SATB2: variants seen among roughly 807,000 people sequenced by gnomAD.
SATB2 encodes the protein SATB homeobox 2.
A neutral mutation model predicts 73.4 loss-of-function variants in SATB2; 1 was observed. That is an observed-to-expected ratio of 0.01 (90% CI 0.00 to 0.06). The LOEUF is 0.06. SATB2 is among the 10% of genes least tolerant of loss of function. The pLI, the probability that SATB2 is intolerant of heterozygous loss-of-function variation, is 1.00. For synonymous variants in SATB2, 397 were observed against 367.0 expected, an observed-to-expected ratio of 1.08 and a Z score of -0.93; for missense variants, 459 against 945.8, an observed-to-expected ratio of 0.49 and a Z score of 6.75.
At chr2:199,433,910 TA>T (rs1274815463) in intron 2 of SATB2, among the ~76,000 whole-genome samples, 2 of 152,116 alleles carry the variant, frequency 1.3e-5, no homozygotes. Context: ...TTGTAATAAA[TA>T]TATTACTTTT....
chr2:199,330,735 G>A (rs1022058262), intron 7 of SATB2, among the ~76,000 whole-genome samples: 1 of 152,122 alleles, frequency 6.6e-6, no homozygotes. Context: ...TTGTTTTGAA[G>A]ATAAAAATCT....
intron 5 of SATB2, 72 bp downstream of exon 5, chr2:199,380,292 G>A: frequency 1.3e-6 from 2 of 1,585,238 alleles, no homozygotes; most frequent in Non-Finnish European, 1.7e-6. Context: ...TGTTTAAGCA[G>A]AAGGAACCCC....
intron 7 of SATB2, among the ~76,000 whole-genome samples, chr2:199,346,708 C>T (rs991841047): frequency 6.6e-6 from 1 of 151,982 alleles, no homozygotes; most frequent in Non-Finnish European, 1.5e-5. Flanking sequence ...GTAAACAGAC[C>T]CTCTTTAACA....
chr2:199,313,699 T>C (rs1687655130), intron 9 of SATB2, among the ~76,000 whole-genome samples: 1 of 152,214 alleles, frequency 6.6e-6, no homozygotes, highest in Non-Finnish European at 1.5e-5. Context: ...ATGCTTACTA[T>C]TTGAAGAAAT....
chr2:199,360,468 C>T (rs1481844910), intron 6 of SATB2, among the ~76,000 whole-genome samples: 1 of 152,116 alleles, frequency 6.6e-6, no homozygotes, highest in African/African-American at 2.4e-5. Flanking sequence ...TCCTTCACTG[C>T]TAGGAGGTCA....
chr2:199,460,189 A>C (rs1692443372), upstream of SATB2, among the ~76,000 whole-genome samples: 1 of 152,116 alleles, frequency 6.6e-6, no homozygotes, highest in Non-Finnish European at 1.5e-5. The surrounding 1 kb of genome is among the most constrained non-coding windows in gnomAD (Gnocchi z 4.0). Flanking sequence ...AGTGGGAGAA[A>C]ATGCACAGTT....
chr2:199,369,042 A>G (rs1689368115), intron 5 of SATB2: 2 of 234,274 alleles, frequency 8.5e-6, no homozygotes, highest in Admixed American at 1.0e-4. Flanking sequence ...TCCGTAATCC[A>G]AATAATGCCT....
intron 7 of SATB2, among the ~76,000 whole-genome samples, chr2:199,346,181 C>T (rs940065734): frequency 2.0e-5 from 3 of 150,400 alleles, no homozygotes; most frequent in Admixed American, 6.6e-5. Context: ...GACAGAGTCT[C>T]GCTCTGTTGC....
intron 3 of SATB2, among the ~76,000 whole-genome samples, chr2:199,393,032 A>G (rs1288719655): frequency 6.6e-6 from 1 of 152,152 alleles, no homozygotes; most frequent in Non-Finnish European, 1.5e-5. Flanking sequence ...AATTTGTCCT[A>G]GCTTACTGAC....
At chr2:199,458,686 G>C, upstream of SATB2, 1 of 442,444 alleles carries the variant, frequency 2.3e-6, no homozygotes. Flanking sequence ...CGGCTGCCTC[G>C]GCTCCCAGCT....
At chr2:199,394,332 A>C (rs1371678659) in intron 3 of SATB2, among the ~76,000 whole-genome samples, 1 of 152,228 alleles carries the variant, frequency 6.6e-6, no homozygotes, top group African/African-American at 2.4e-5. Context: ...CTGATTATAA[A>C]TACTAATAAA....
At chr2:199,409,870 A>T (rs1396962038) in intron 3 of SATB2, among the ~76,000 whole-genome samples, 1 of 152,318 alleles carries the variant, frequency 6.6e-6, no homozygotes, top group African/African-American at 2.4e-5. Context: ...TTTCCAGCTC[A>T]TCTTCACAAT....
At chr2:199,431,627 C>T (rs1315129789) in intron 3 of SATB2, among the ~76,000 whole-genome samples, 1 of 152,166 alleles carries the variant, frequency 6.6e-6, no homozygotes, top group African/African-American at 2.4e-5. Context: ...TTTATTTGCT[C>T]ATATATCTCA....
At position 199,396,400 on chromosome 2, in the gene SATB2, C is replaced by T. The variant is rs575082908; in HGVS notation, c.347-14580G>A. The T allele has an allele frequency of 3.3e-5, 5 of 152,210 alleles. No homozygotes were observed. The South Asian group carries it at 1.0e-3, about 32-fold the overall frequency. 9.4% of individuals were successfully genotyped at this position (152,210 alleles called of 1,614,324 possible). On this transcript the variant is annotated intron_variant, in intron 3 of 10. Transcript: ENST00000417098. The stretch of plus-strand genomic sequence containing the variant: ...AATTCAATTGCCCAGAGTGGATATC[C>T]TTATATAAACATTCATTCTGGATAA...
At chr2:199,359,122 A>C (rs1237088482) in intron 6 of SATB2, among the ~76,000 whole-genome samples, 1 of 152,148 alleles carries the variant, frequency 6.6e-6, no homozygotes, top group African/African-American at 2.4e-5. Flanking sequence ...TGCCTTTGTC[A>C]GTTGGCATTC....
chr2:199,379,542 T>C (rs1238157740), intron 5 of SATB2, among the ~76,000 whole-genome samples: 1 of 152,172 alleles, frequency 6.6e-6, no homozygotes, highest in African/African-American at 2.4e-5. Flanking sequence ...AGCCAGCTAG[T>C]ATGCTTAGGC....
chr2:199,298,607 T>C (rs999886700), intron 10 of SATB2, among the ~76,000 whole-genome samples: 1 of 152,190 alleles, frequency 6.6e-6, no homozygotes, highest in Non-Finnish European at 1.5e-5. Context: ...CCCCAGCAGG[T>C]AGGCTTGTAT....
intron 5 of SATB2, among the ~76,000 whole-genome samples, chr2:199,379,646 GACTGT>G (rs1356662504): frequency 1.3e-5 from 2 of 149,998 alleles, no homozygotes; most frequent in Non-Finnish European, 3.0e-5. Flanking sequence ...AGAAGTTAAT[GACTGT>G]ATATGTAAAA....
intron 7 of SATB2, among the ~76,000 whole-genome samples, chr2:199,336,505 A>G (rs1688342135): frequency 6.6e-6 from 1 of 152,234 alleles, no homozygotes; most frequent in African/African-American, 2.4e-5. Context: ...TTGAATATTT[A>G]TATCTCAAAT....
Sources: allele counts gnomAD v4.1 joint callset (sites outside exome capture counted in the v4.1 genomes callset), GRCh38; gene constraint gnomAD v4.1.1; non-coding constraint Gnocchi (gnomAD v3.1); transcripts MANE v1.5; gene names NCBI Gene and HGNC (gene_info 2026-07-23, HGNC 2026-07-21).